Variants in RANBP1 observed in about 807,000 individuals in gnomAD.
RANBP1 encodes RAN binding protein 1, also known as ran-specific GTPase-activating protein.
In RANBP1, 16 loss-of-function variants were observed where a neutral mutation model predicts 31.4. The ratio of observed to expected loss-of-function variants is 0.51; its 90% CI spans 0.34 to 0.77. The LOEUF is 0.77. Ranked by LOEUF, RANBP1 falls within the 30% of genes least tolerant of loss-of-function variation. The probability of loss-of-function intolerance (pLI) is 0.01; values close to 1 mark genes in which losing one functional copy is unlikely to be tolerated. For synonymous variants in RANBP1, 129 were observed against 140.5 expected (o/e 0.92, Z 0.58); for missense variants, 265 against 362.0 (o/e 0.73, Z 2.17).
intron 1 of RANBP1, chr22:20,117,469 G>A: frequency 8.3e-6 from 10 of 1,200,868 alleles, no homozygotes; most frequent in Non-Finnish European, 1.0e-5. Context: ...GTTTTGAATC[G>A]CGGCGCGTTT....
chr22:20,122,082 G>A (rs1027980440), intron 2 of RANBP1, among the ~76,000 whole-genome samples, 182 bp from the exon 3 acceptor site: 12 of 152,034 alleles, frequency 7.9e-5, no homozygotes, highest in African/African-American at 2.9e-4. Context: ...ATGACCTGGA[G>A]TTTGTTGGGC....
chr22:20,125,145 C>T (rs1056555696), intron 3 of RANBP1, 163 bp from the exon 4 acceptor site: 34 of 705,562 alleles, frequency 4.8e-5, no homozygotes, highest in Non-Finnish European at 6.0e-5. Flanking sequence ...AAAACTCAGG[C>T]GCCGTGGTAC....
chr22:20,116,923 C>T, intron 1 of RANBP1: 1 of 1,590,960 alleles, frequency 6.3e-7, no homozygotes, highest in Non-Finnish European at 8.6e-7. Flanking sequence ...GGCGGTTCTC[C>T]GCCTAGACCA....
At chr22:20,124,746 C>T (rs1463255973) in intron 3 of RANBP1, 2 of 159,364 alleles carry the variant, frequency 1.3e-5, no homozygotes, top group Non-Finnish European at 2.7e-5. Context: ...AGTGGGCTCC[C>T]TTCTGGCAAC....
rs751410235 is a variant in RANBP1, at chr22:20,116,271, C to T, written c.87C>T (p.Ser29=). 5.0e-6 allele frequency: 8 copies of T among 1,612,982 alleles called. No homozygotes were observed. The South Asian group carries it at 8.8e-5, about 18-fold the overall frequency. The change falls in exon 1 of 6, where the codon TCC becomes TCT. Residue 29 remains serine, a synonymous_variant. Coordinates refer to ENST00000430524, the MANE Select transcript of RANBP1 (RefSeq NM_001278639.2). ...RAPCKTRRAL[S]LSAALRNVTK... Reference sequence around the variant, plus strand: ...CATGCAAAACGCGCAGGGCCTTGTCCCTCTCTGCAGCGCTGCGGAATGTCA... The same window carrying T: ...CATGCAAAACGCGCAGGGCCTTGTCTCTCTCTGCAGCGCTGCGGAATGTCA...
At chr22:20,121,464 G>T (rs2050169414) in intron 2 of RANBP1, among the ~76,000 whole-genome samples, 1 of 152,022 alleles carries the variant, frequency 6.6e-6, no homozygotes, top group South Asian at 2.1e-4. Flanking sequence ...GGTCAGGCTG[G>T]TCTCGAACTC....
chr22:20,117,695 G>T, intron 1 of RANBP1: 1 of 1,122,488 alleles, frequency 8.9e-7, no homozygotes, highest in South Asian at 4.3e-5. Flanking sequence ...GGACAGGGTG[G>T]GCGGGCGGGG....
intron 2 of RANBP1, among the ~76,000 whole-genome samples, 166 bp from the exon 3 acceptor site, chr22:20,122,098 C>T (rs190246297): frequency 7.0e-4 from 107 of 152,144 alleles, no homozygotes; most frequent in Middle Eastern, 3.4e-3. Flanking sequence ...TGGGCTGCTG[C>T]GCTTTCTGGT....
chr22:20,122,240 T>C (rs770389195), intron 2 of RANBP1, 24 bp from the exon 3 acceptor site: 2 of 1,610,762 alleles, frequency 1.2e-6, no homozygotes, highest in Non-Finnish European at 1.7e-6. Context: ...GTCTGCACTC[T>C]TAACCTCACG....
In RANBP1 at chr22:20,125,336, C is replaced by T. The variant is rs567604350; in HGVS notation, c.570C>T (p.Asn190=). The T allele has an allele frequency of 1.5e-5, 24 of 1,611,654 alleles. No homozygotes were observed. The highest frequency in any genetic ancestry group is 1.9e-5 in the Non-Finnish European group (23 of 1,179,884). The change falls in exon 4 of 6, where the codon AAC becomes AAT. Residue 190 remains asparagine, a synonymous_variant. Coordinates refer to ENST00000430524, the MANE Select transcript of RANBP1 (RefSeq NM_001278639.2). ...CGCCGATGATGGAGCTGAAGCCCAA[C>T]GCAGGTAGCGACCGTGCCTGGGTCT... is the stretch of plus-strand genomic sequence containing the variant. The part of the protein sequence containing the change: ...YITPMMELKP[N]AGSDRAWVWN...
At position 20,126,836 on chromosome 22, in the gene RANBP1, C is replaced by T. The variant is rs919526764; in HGVS notation, c.737-116C>T. 11 of 1,416,610 alleles carry T rather than the reference C, an allele frequency of 7.8e-6. No individual in the cohort carries two copies. In the Admixed American group the frequency reaches 1.4e-4, roughly 18 times the overall value. 87.8% of individuals were successfully genotyped at this position (1,416,610 alleles called of 1,614,324 possible). A position where few individuals can be genotyped will look rare whatever the true frequency, so the allele number is the denominator to read the frequency against. On this transcript the variant is annotated intron_variant, in intron 5 of 5. Coordinates refer to ENST00000430524, the MANE Select transcript of RANBP1 (RefSeq NM_001278639.2). ...CGGCTTGGCCAGGCAGGAGTCTGTC[C>T]CGAGGGCGGGCAAGCCGCTGTGGGT...
intron 2 of RANBP1, 49 bp from the exon 3 acceptor site, chr22:20,122,215 G>A (rs2050187499): frequency 6.3e-7 from 1 of 1,593,792 alleles, no homozygotes; most frequent in Non-Finnish European, 8.6e-7. Flanking sequence ...CGCAGGCCCT[G>A]CATGTGGGCT....
chr22:20,118,727 TGTAG>T (rs1428369915), intron 1 of RANBP1, among the ~76,000 whole-genome samples: 1 of 152,252 alleles, frequency 6.6e-6, no homozygotes, highest in Admixed American at 6.5e-5. Flanking sequence ...GTTGGCGGCT[TGTAG>T]GGTCCCCCAT....
chr22:20,117,358 T>G (rs1054024299), intron 1 of RANBP1: 3 of 1,216,992 alleles, frequency 2.5e-6, no homozygotes, highest in Middle Eastern at 3.3e-4. Context: ...CTCCTCTGGC[T>G]GACGGGCGGG....
intron 3 of RANBP1, 96 bp from the exon 4 acceptor site, chr22:20,125,212 C>A (rs919349969): frequency 5.6e-6 from 8 of 1,420,012 alleles, no homozygotes; most frequent in Admixed American, 3.5e-5. Context: ...TGAAGCAGAC[C>A]CCTCAGGTTG....
intron 3 of RANBP1, among the ~76,000 whole-genome samples, chr22:20,123,086 G>T (rs1459009885): frequency 2.4e-5 from 3 of 123,256 alleles, no homozygotes; most frequent in Non-Finnish European, 5.2e-5. Context: ...GGTGTTTGGG[G>T]TGTGTATGTG....
intron 1 of RANBP1, chr22:20,117,080 CG>C (rs1340249646): frequency 4.8e-6 from 4 of 832,414 alleles, no homozygotes; most frequent in Non-Finnish European, 7.5e-6. Context: ...TCGCCCCAGG[CG>C]GGGCGGGACT....
At chr22:20,121,464 G>C (rs2050169414) in intron 2 of RANBP1, among the ~76,000 whole-genome samples, 1 of 152,140 alleles carries the variant, frequency 6.6e-6, no homozygotes, top group East Asian at 1.9e-4. Context: ...GGTCAGGCTG[G>C]TCTCGAACTC....
intron 1 of RANBP1, chr22:20,116,823 ACCC>A: frequency 7.7e-7 from 1 of 1,294,018 alleles, no homozygotes; most frequent in East Asian, 2.6e-5. Flanking sequence ...AGGTTTCCTG[ACCC>A]ACCCCGCCTC....
Sources: allele counts gnomAD v4.1 joint callset (sites outside exome capture counted in the v4.1 genomes callset), GRCh38; gene constraint gnomAD v4.1.1; transcripts MANE v1.5; gene names NCBI Gene and HGNC (gene_info 2026-07-23, HGNC 2026-07-21).